ZNF37A: variants seen among roughly 807,000 people sequenced by gnomAD.
The protein encoded by ZNF37A is zinc finger protein 37A.
Under a neutral mutation model 12.3 loss-of-function variants are expected in ZNF37A, and 10 were observed. The observed-to-expected ratio is 0.82, with a 90% CI of 0.50 to 1.38. The LOEUF (loss-of-function observed/expected upper bound fraction) is 1.38, where lower values mean the gene tolerates loss of function less well. ZNF37A is among the 40% of genes most tolerant of loss of function. The probability of loss-of-function intolerance (pLI) is 0.00; values close to 1 mark genes in which losing one functional copy is unlikely to be tolerated. For missense variants in ZNF37A, 580 were observed against 651.2 expected (o/e 0.89, Z 1.19); for synonymous variants, 207 against 223.0 (o/e 0.93, Z 0.64).
chr10:38,120,723 G>C lies in ZNF37A; in HGVS notation c.*1886G>C, dbSNP rs1231740991. On this transcript the variant is annotated 3_prime_UTR_variant, in exon 8 of 8. Transcript: ENST00000685332. Reference sequence around the variant, plus strand: ...GGGGGTCAGGGGAAGGCATGGGGGGGACCAGAAACCAGAAGAACAATCAAG... The same window carrying C: ...GGGGGTCAGGGGAAGGCATGGGGGGCACCAGAAACCAGAAGAACAATCAAG... 1 of 151,222 alleles carries C rather than the reference G, an allele frequency of 6.6e-6. No individual in the cohort carries two copies. Among genetic ancestry groups the C allele is most frequent in the African/African-American group, 2.4e-5 (1 of 41,070 alleles). 9.4% of individuals were successfully genotyped at this position (151,222 alleles called of 1,614,324 possible). A position where few individuals can be genotyped will look rare whatever the true frequency, so the allele number is the denominator to read the frequency against.
intron 5 of ZNF37A, among the ~76,000 whole-genome samples, chr10:38,107,177 A>G (rs564919641): frequency 2.0e-5 from 3 of 152,324 alleles, no homozygotes; most frequent in Admixed American, 1.3e-4. Context: ...CCTACAAGCC[A>G]TAAGAGAGTG....
At chr10:38,129,450 G>A (rs1179227991), downstream of ZNF37A, among the ~76,000 whole-genome samples, 1 of 151,898 alleles carries the variant, frequency 6.6e-6, no homozygotes, top group Non-Finnish European at 1.5e-5. Flanking sequence ...GTAGTCCCTG[G>A]TGTCTGCTGT....
At chr10:38,130,530 AG>A (rs1243313895), downstream of ZNF37A, among the ~76,000 whole-genome samples, 1 of 151,982 alleles carries the variant, frequency 6.6e-6, no homozygotes, top group Non-Finnish European at 1.5e-5. Context: ...GCACGATCTC[AG>A]CTTACTGCAA....
At chr10:38,114,629 G>A (rs757197561) in intron 5 of ZNF37A, 126 bp from the exon 6 acceptor site, 164 of 1,152,222 alleles carry the variant, frequency 1.4e-4, no homozygotes, top group Non-Finnish European at 1.9e-4. Context: ...TATATCATAG[G>A]GGCCCTTTAT....
rs964540953 is a variant in ZNF37A, at chr10:38,124,504, C to T, written c.*5667C>T. ...CTTGAGGTTATGGATACCCCATTTACCCTGATGTGATTATTAGACATTGCA... is the reference window on the plus strand; with the variant it reads ...CTTGAGGTTATGGATACCCCATTTATCCTGATGTGATTATTAGACATTGCA... On this transcript the variant is annotated 3_prime_UTR_variant, in exon 8 of 8. Coordinates refer to ENST00000685332, the MANE Select transcript of ZNF37A (RefSeq NM_001324250.3). 10 of 152,092 alleles carry T rather than the reference C, an allele frequency of 6.6e-5. 1 individual carries two copies. The highest frequency in any genetic ancestry group is 5.2e-4 in the Admixed American group (8 of 15,262). 9.4% of individuals were successfully genotyped at this position (152,092 alleles called of 1,614,324 possible).
intron 5 of ZNF37A, among the ~76,000 whole-genome samples, chr10:38,112,783 T>TCTTGTCTTGTCTTGTCTTGTCTTG (rs1564932429): frequency 1.7e-5 from 1 of 57,882 alleles, no homozygotes; most frequent in African/African-American, 6.1e-5. Context: ...TTCTTTTCTT[T>TCTTGTCTTGTCTTGTCTTGTCTTG]TCTTTTCTTT....
At chr10:38,102,464 G>T (rs2135900843) in intron 5 of ZNF37A, among the ~76,000 whole-genome samples, 1 of 152,034 alleles carries the variant, frequency 6.6e-6, no homozygotes, top group Admixed American at 6.5e-5. Context: ...CTTTGTCCCT[G>T]TCTTTTGTCT....
chr10:38,133,803 G>A (rs1424680265), intron 7 of ZNF37A, among the ~76,000 whole-genome samples: 2 of 152,196 alleles, frequency 1.3e-5, no homozygotes, highest in Non-Finnish European at 2.9e-5. Context: ...ATAGCAGCAT[G>A]ATTTATAGTC....
downstream of ZNF37A, among the ~76,000 whole-genome samples, chr10:38,128,956 G>T (rs1268270561): frequency 2.0e-5 from 3 of 152,076 alleles, no homozygotes; most frequent in Non-Finnish European, 4.4e-5. Flanking sequence ...ATTTCACTCT[G>T]TTGGCCAGGC....
chr10:38,136,065 G>C (rs2070104088), intron 7 of ZNF37A, among the ~76,000 whole-genome samples: 1 of 152,128 alleles, frequency 6.6e-6, no homozygotes, highest in Admixed American at 6.5e-5. Flanking sequence ...CTTTTTTTGA[G>C]AGTGTCTTCA....
intron 7 of ZNF37A, chr10:38,137,743 C>T (rs1301500009): frequency 6.6e-6 from 1 of 152,170 alleles, no homozygotes; most frequent in African/African-American, 2.4e-5. Context: ...GCAAAGATTA[C>T]CATAATGTAC....
rs2069721875 is a variant in ZNF37A, at chr10:38,121,922, T to A, written c.*3085T>A. ...GGGAGAAATACAAGATGAGCCTGAA[T>A]CATCTCATGTACCTGACAGTAAGAA... On this transcript the variant is annotated 3_prime_UTR_variant, in exon 8 of 8. Transcript: ENST00000685332. The A allele has an allele frequency of 6.6e-6, 1 of 152,084 alleles. No homozygotes were observed. Among genetic ancestry groups the A allele is most frequent in the Non-Finnish European group, 1.5e-5 (1 of 68,016 alleles). 9.4% of individuals were successfully genotyped at this position (152,084 alleles called of 1,614,324 possible).
downstream of ZNF37A, among the ~76,000 whole-genome samples, chr10:38,128,376 C>T (rs893901711): frequency 6.6e-6 from 1 of 152,082 alleles, no homozygotes; most frequent in Non-Finnish European, 1.5e-5. Flanking sequence ...TAATTGCACA[C>T]ATCTGAGCAT....
chr10:38,135,792 C>T (rs150851931), intron 7 of ZNF37A, among the ~76,000 whole-genome samples: 68 of 152,256 alleles, frequency 4.5e-4, no homozygotes, highest in African/African-American at 1.6e-3. Context: ...ATAAAACCAT[C>T]AAATCTTGTG....
chr10:38,100,311 CA>C (rs1004844258), intron 5 of ZNF37A, among the ~76,000 whole-genome samples: 1 of 152,148 alleles, frequency 6.6e-6, no homozygotes, highest in Non-Finnish European at 1.5e-5. Flanking sequence ...TATCAGGAGA[CA>C]GGGTTTTGAG....
downstream of ZNF37A, among the ~76,000 whole-genome samples, chr10:38,126,658 T>C (rs2069932550): frequency 6.6e-6 from 1 of 152,166 alleles, no homozygotes; most frequent in Non-Finnish European, 1.5e-5. Flanking sequence ...TTAAGAACTA[T>C]GTTATCCAGT....
At chr10:38,129,367 A>G (rs988322894), downstream of ZNF37A, among the ~76,000 whole-genome samples, 1 of 144,902 alleles carries the variant, frequency 6.9e-6, no homozygotes, top group Non-Finnish European at 1.5e-5. Flanking sequence ...TCAGGGGTAT[A>G]TGTGCACATT....
At chr10:38,115,438 G>A in intron 7 of ZNF37A, 148 bp downstream of exon 7, 1 of 1,149,156 alleles carries the variant, frequency 8.7e-7, no homozygotes, top group Non-Finnish European at 1.2e-6. Flanking sequence ...ACCCAAATAT[G>A]CAGTGACTCT....
At chr10:38,116,737 C>G (rs1357487485) in intron 7 of ZNF37A, among the ~76,000 whole-genome samples, 3 of 152,290 alleles carry the variant, frequency 2.0e-5, no homozygotes, top group East Asian at 3.9e-4. Context: ...AAACCTGATC[C>G]TGTGGCAAGG....
Sources: allele counts gnomAD v4.1 joint callset (sites outside exome capture counted in the v4.1 genomes callset), GRCh38; gene constraint gnomAD v4.1.1; transcripts MANE v1.5; gene names NCBI Gene and HGNC (gene_info 2026-07-23, HGNC 2026-07-21).